SANBR: variants seen among roughly 807,000 people sequenced by gnomAD.
SANBR encodes SANT and BTB domain regulator of class switch recombination.
SANBR carries 77 observed loss-of-function variants against 101.8 expected under a neutral mutation model. That is an observed-to-expected ratio of 0.76 (90% CI 0.63 to 0.91). SANBR has a LOEUF of 0.91. Ranked by LOEUF, SANBR falls within the 40% of genes least tolerant of loss-of-function variation. The pLI is 0.00. For synonymous variants in SANBR, 279 were observed against 274.7 expected (o/e 1.02, Z -0.15); for missense variants, 875 against 853.0 (o/e 1.03, Z -0.32).
downstream of SANBR, among the ~76,000 whole-genome samples, chr2:61,125,714 G>C (rs1573677891): frequency 1.3e-5 from 2 of 152,160 alleles, no homozygotes; most frequent in East Asian, 3.9e-4. Flanking sequence ...CCTAGTAGTT[G>C]CTATTTGTTG....
chr2:61,117,618 T>C (rs1410453146), intron 19 of SANBR, 78 bp downstream of exon 19: 5 of 1,263,728 alleles, frequency 4.0e-6, no homozygotes, highest in Non-Finnish European at 5.7e-6. Flanking sequence ...TTATACAGTA[T>C]GCTGAATAGC....
Position 61,136,491 on chromosome 2 carries a change from T to C in SANBR, c.*45-973T>C, listed in dbSNP as rs1250849664. Among the ~76,000 whole-genome samples, 6 of 148,178 alleles carry C rather than the reference T, an allele frequency of 4.0e-5. No homozygotes were observed. The Admixed American group carries it at 4.1e-4, about 10-fold the overall frequency. On this transcript the variant is annotated intron_variant, in intron 21 of 21. Transcript: ENST00000295031. ...TAAAAATACAAAAATTAGCTGGGCA[T>C]GGTGGCATGCGCCTGTAATCCCAGC...
chr2:61,123,768 A>G lies in SANBR; in HGVS notation c.*1606A>G, dbSNP rs1225760443. On this transcript the variant is annotated 3_prime_UTR_variant, in exon 22 of 22. Transcript: ENST00000402291. ...CTATACCACTGAATTAATTTTTACAAACCAGAGTTTATCAGAATTTGATTC... is the reference window on the plus strand; with the variant it reads ...CTATACCACTGAATTAATTTTTACAGACCAGAGTTTATCAGAATTTGATTC... The G allele has an allele frequency of 2.3e-5, 23 of 985,596 alleles. No individual in the cohort carries two copies. The highest frequency in any genetic ancestry group is 2.8e-5 in the Non-Finnish European group (23 of 829,920). The allele number at this position is 985,596 out of a possible 1,614,324, so 61.1% of individuals were successfully genotyped here.
intron 6 of SANBR, among the ~76,000 whole-genome samples, chr2:61,079,667 T>C (rs1681987618): frequency 6.6e-6 from 1 of 152,118 alleles, no homozygotes; most frequent in Non-Finnish European, 1.5e-5. Context: ...ATTCGATTCA[T>C]CATATTTATG....
intron 8 of SANBR, among the ~76,000 whole-genome samples, chr2:61,086,650 G>T (rs755518237): frequency 6.6e-6 from 1 of 152,158 alleles, no homozygotes; most frequent in Non-Finnish European, 1.5e-5. Context: ...TGACCAAGTG[G>T]ATTTAGAAAA....
chr2:61,109,871 TTGAACTCC>T (rs1291667602), intron 16 of SANBR, among the ~76,000 whole-genome samples: 1 of 151,988 alleles, frequency 6.6e-6, no homozygotes, highest in Non-Finnish European at 1.5e-5. Flanking sequence ...CAGGCTGGTC[TTGAACTCC>T]TGACCTCAGA....
rs971705815 is a variant in SANBR at position 61,123,174 on chromosome 2, A to G, written c.*1012A>G. The G allele has an allele frequency of 4.0e-5, 39 of 981,552 alleles. No individual in the cohort carries two copies. Among genetic ancestry groups the G allele is most frequent in the Non-Finnish European group, 4.6e-5 (38 of 826,362 alleles). 60.8% of individuals were successfully genotyped at this position (981,552 alleles called of 1,614,324 possible). On this transcript the variant is annotated 3_prime_UTR_variant, in exon 22 of 22. Coordinates refer to ENST00000402291, the MANE Select transcript of SANBR (RefSeq NM_001129993.3). ...GGAAAATTTGTTCCAAACTATAACCATATAATAAATTATGTGTTTGTAAAT... is the reference window on the plus strand; with the variant it reads ...GGAAAATTTGTTCCAAACTATAACCGTATAATAAATTATGTGTTTGTAAAT...
intron 13 of SANBR, among the ~76,000 whole-genome samples, chr2:61,105,829 G>T (rs2104936318): frequency 6.6e-6 from 1 of 152,010 alleles, no homozygotes; most frequent in South Asian, 2.1e-4. Context: ...GTGCCACCAT[G>T]CCTGGCTAAT....
Position 61,121,213 on chromosome 2 carries a change from A to C in SANBR, c.2057A>C (p.Glu686Ala). ...EFAGGIYSRLEAQIKASVPVS... is the reference protein window; with the variant it reads ...EFAGGIYSRLAAQIKASVPVS... ...GCAGGAGGTATTTATTCCAGGCTGGAAGCACAAATCAAGGCCTCAGTGCCA... is the reference window on the plus strand; with the variant it reads ...GCAGGAGGTATTTATTCCAGGCTGGCAGCACAAATCAAGGCCTCAGTGCCA... The change falls in exon 21 of 22, where the codon GAA (glutamate) becomes GCA (alanine). Residue 686 changes from glutamate (E) to alanine (A), a missense_variant. Physicochemically the swap from Glu to Ala is moderately radical, Grantham distance 107. Coordinates refer to ENST00000402291, the MANE Select transcript of SANBR (RefSeq NM_001129993.3). The C allele has an allele frequency of 6.4e-7, 1 of 1,551,246 alleles. No homozygotes were observed. Among genetic ancestry groups the C allele is most frequent in the Non-Finnish European group, 8.7e-7 (1 of 1,146,594 alleles).
rs1559112498 is a variant in SANBR, at chr2:61,098,101, GTTTTTTTGT to G, written c.1365+257_1365+265del. Among the ~76,000 whole-genome samples the G allele has an allele frequency of 8.1e-5, 8 of 98,262 alleles. No individual in the cohort carries two copies. The East Asian group carries it at 1.5e-3, about 19-fold the overall frequency. The allele number at this position is 98,262 out of a possible 152,430, so 64.5% of individuals were successfully genotyped here. ...TATTTTTTGGAGGTTTTTGTTTTTTGTTTTTTTGTTTTTTTTTTTTGAGATGGGGTCTCG... is the reference window on the plus strand; with the variant it reads ...TATTTTTTGGAGGTTTTTGTTTTTTGTTTTTTTTTTTGAGATGGGGTCTCG... On this transcript the variant is annotated intron_variant, in intron 12 of 21. Coordinates refer to ENST00000402291, the MANE Select transcript of SANBR (RefSeq NM_001129993.3).
chr2:61,067,772 C>CT (rs1407946715), intron 1 of SANBR, among the ~76,000 whole-genome samples: 3 of 152,130 alleles, frequency 2.0e-5, no homozygotes, highest in African/African-American at 4.8e-5. Context: ...ACTATGTGCT[C>CT]TAACATGCTT....
At chr2:61,076,668 A>G (rs1272122527) in intron 5 of SANBR, among the ~76,000 whole-genome samples, 1 of 151,938 alleles carries the variant, frequency 6.6e-6, no homozygotes, top group Non-Finnish European at 1.5e-5. Flanking sequence ...TAGAAATTTC[A>G]AACTGTGTAA....
In SANBR at chr2:61,106,570, G is replaced by T. The variant is rs757579732; in HGVS notation, c.1519G>T (p.Gly507Trp). The change falls in exon 14 of 22, where the codon GGG (glycine) becomes TGG (tryptophan). Residue 507 changes from glycine to tryptophan, a missense_variant. Coordinates refer to ENST00000402291, the MANE Select transcript of SANBR (RefSeq NM_001129993.3). ...PFSKDTVSDV[G>W]VGLCDEKGIE... is the part of the protein sequence containing the mutation. Reference sequence around the variant, plus strand: ...ATGTCTTTTTCTTTCAAGTGATGTTGGGGTTGGCCTCTGTGATGAAAAGGG... The same window carrying T: ...ATGTCTTTTTCTTTCAAGTGATGTTTGGGTTGGCCTCTGTGATGAAAAGGG... 1.9e-6 allele frequency: 3 copies of T among 1,589,444 alleles called. No homozygotes were observed. Among genetic ancestry groups the T allele is most frequent in the Non-Finnish European group, 2.6e-6 (3 of 1,169,664 alleles).
At chr2:61,073,284 C>G (rs778474238) in intron 4 of SANBR, among the ~76,000 whole-genome samples, 174 bp from the exon 5 acceptor site, 6 of 152,088 alleles carry the variant, frequency 3.9e-5, no homozygotes, top group Admixed American at 3.3e-4. Context: ...TGTACTGTTT[C>G]TTCCATATAT....
chr2:61,134,755 G>T (rs560861350), intron 21 of SANBR, among the ~76,000 whole-genome samples: 8 of 152,306 alleles, frequency 5.3e-5, no homozygotes, highest in African/African-American at 1.4e-4. Context: ...AGCTGGTGGT[G>T]TGGTGGCACA....
chr2:61,125,092 C>T (rs1447202152), downstream of SANBR, among the ~76,000 whole-genome samples: 5 of 152,190 alleles, frequency 3.3e-5, no homozygotes, highest in East Asian at 7.7e-4. Context: ...CTCTCTTTCT[C>T]CTATTTAAAG....
At chr2:61,114,562 T>C (rs1402868865) in intron 16 of SANBR, among the ~76,000 whole-genome samples, 1 of 152,220 alleles carries the variant, frequency 6.6e-6, no homozygotes, top group Non-Finnish European at 1.5e-5. Context: ...TTTTACAGTT[T>C]TTCCCACCAT....
intron 20 of SANBR, among the ~76,000 whole-genome samples, chr2:61,132,110 T>G (rs1337031376): frequency 1.5e-5 from 2 of 134,078 alleles, no homozygotes; most frequent in African/African-American, 5.6e-5. Flanking sequence ...ACCTTGGATT[T>G]GGCAAGGATT....
chr2:61,101,557 C>T (rs926727282), intron 12 of SANBR, among the ~76,000 whole-genome samples: 5 of 150,320 alleles, frequency 3.3e-5, no homozygotes, highest in African/African-American at 7.4e-5. Context: ...CACGCTGAAA[C>T]GCCTTCTCTA....
Sources: gnomAD v4.1 joint callset for allele counts (sites outside exome capture counted in the v4.1 genomes callset) on GRCh38, gnomAD v4.1.1 for gene constraint, MANE v1.5 for transcripts, NCBI Gene and HGNC (gene_info 2026-07-23, HGNC 2026-07-21) for gene names.